Variants in DNAH7 observed in about 807,000 individuals in gnomAD.
The protein encoded by DNAH7 is dynein axonemal heavy chain 7.
DNAH7 carries 397 observed loss-of-function variants against 444.6 expected under a neutral mutation model. That is an observed-to-expected ratio of 0.89 (90% CI 0.82 to 0.97). The LOEUF (loss-of-function observed/expected upper bound fraction) is 0.97, where lower values mean the gene tolerates loss of function less well. Ranked by LOEUF, DNAH7 falls within the 50% of genes least tolerant of loss-of-function variation. The probability of loss-of-function intolerance (pLI) is 0.00; values close to 1 mark genes in which losing one functional copy is unlikely to be tolerated. For missense variants in DNAH7, 4,902 were observed against 4,800.8 expected, an observed-to-expected ratio of 1.02 and a Z score of -0.62; for synonymous variants, 1,636 against 1,624.4, an observed-to-expected ratio of 1.01 and a Z score of -0.17.
chr2:196,064,911 T>A (rs1046005687), intron 1 of DNAH7, among the ~76,000 whole-genome samples: 1 of 152,204 alleles, frequency 6.6e-6, no homozygotes, highest in African/African-American at 2.4e-5. Flanking sequence ...TATTTTAGTA[T>A]AAACACACAC....
At chr2:195,896,327 T>C (rs1209970668) in intron 29 of DNAH7, among the ~76,000 whole-genome samples, 2 of 152,172 alleles carry the variant, frequency 1.3e-5, no homozygotes, top group Admixed American at 6.5e-5. Context: ...CCTGATCTTG[T>C]CTTTCATTTT....
In DNAH7 at chr2:195,737,856, T is replaced by A. The variant is rs1692726738; in HGVS notation, c.*65A>T. ...CAAACAAAAAAAAAGGTTTAAGTAG[T>A]AAAATATGCTTTCTCTACTCAGCCA... On this transcript the variant is annotated 3_prime_UTR_variant, in exon 65 of 65. Transcript: ENST00000312428. 4 of 889,632 alleles carry A rather than the reference T, an allele frequency of 4.5e-6. No individual in the cohort carries two copies. Among genetic ancestry groups the A allele is most frequent in the Admixed American group, 2.4e-5 (1 of 42,036 alleles). 55.1% of individuals were successfully genotyped at this position (889,632 alleles called of 1,614,324 possible). A position where few individuals can be genotyped will look rare whatever the true frequency, so the allele number is the denominator to read the frequency against.
intron 51 of DNAH7, among the ~76,000 whole-genome samples, chr2:195,810,896 T>G (rs943118717): frequency 6.6e-6 from 1 of 152,226 alleles, no homozygotes; most frequent in Non-Finnish European, 1.5e-5. Context: ...TTGTCTCACT[T>G]GTAGCAGTAC....
intron 40 of DNAH7, among the ~76,000 whole-genome samples, chr2:195,871,634 C>A (rs138206553): frequency 6.6e-6 from 1 of 151,286 alleles, no homozygotes; most frequent in Non-Finnish European, 1.5e-5. Context: ...ATAAAAACAT[C>A]TCCTTAAAAA....
chr2:195,805,897 T>A (rs1174952185), intron 54 of DNAH7, among the ~76,000 whole-genome samples: 1 of 152,208 alleles, frequency 6.6e-6, no homozygotes, highest in African/African-American at 2.4e-5. Context: ...TTATCACTGA[T>A]GTGTATTTTT....
chr2:195,954,062 A>G (rs1574868869), intron 19 of DNAH7, among the ~76,000 whole-genome samples: 1 of 152,322 alleles, frequency 6.6e-6, no homozygotes, highest in African/African-American at 2.4e-5. Context: ...GTTCTAGGGT[A>G]CATGTGCACA....
chr2:196,014,515 C>CT (rs1694902150), intron 9 of DNAH7, among the ~76,000 whole-genome samples: 1 of 152,082 alleles, frequency 6.6e-6, no homozygotes, highest in African/African-American at 2.4e-5. Flanking sequence ...CATATCCCTC[C>CT]TGCCCTCACA....
intron 27 of DNAH7, chr2:195,905,010 T>A (rs1416564923): frequency 6.6e-6 from 1 of 152,120 alleles, no homozygotes; most frequent in Non-Finnish European, 1.5e-5. Flanking sequence ...GCTATGAGAA[T>A]TGAGAACAGC....
chr2:196,045,370 C>G (rs1697054359), intron 5 of DNAH7, among the ~76,000 whole-genome samples: 1 of 150,824 alleles, frequency 6.6e-6, no homozygotes, highest in Non-Finnish European at 1.5e-5. Context: ...AGAAAGGAGA[C>G]AGAGAGAGAC....
intron 39 of DNAH7, among the ~76,000 whole-genome samples, chr2:195,872,755 C>G (rs1383570766): frequency 6.6e-6 from 1 of 152,034 alleles, no homozygotes; most frequent in Non-Finnish European, 1.5e-5. Flanking sequence ...GAAGAGACAG[C>G]CAAGGAACCC....
At chr2:195,845,466 C>G (rs1300601142) in intron 46 of DNAH7, among the ~76,000 whole-genome samples, 1 of 152,118 alleles carries the variant, frequency 6.6e-6, no homozygotes, top group African/African-American at 2.4e-5. Context: ...TTCAAGGCTA[C>G]TCCTATCAAA....
intron 63 of DNAH7, among the ~76,000 whole-genome samples, chr2:195,754,134 TCC>T (rs1354626451): frequency 1.1e-4 from 16 of 152,182 alleles, no homozygotes; most frequent in Admixed American, 8.5e-4. Flanking sequence ...GCTTGATCAT[TCC>T]CCCTCACCCC....
intron 33 of DNAH7, among the ~76,000 whole-genome samples, chr2:195,887,085 C>T (rs1426160572): frequency 1.3e-5 from 2 of 152,128 alleles, no homozygotes; most frequent in Admixed American, 1.3e-4. Context: ...AAAACAGATA[C>T]TTATTACTAC....
At chr2:195,940,946 T>C (rs1689391759) in intron 19 of DNAH7, among the ~76,000 whole-genome samples, 1 of 152,136 alleles carries the variant, frequency 6.6e-6, no homozygotes, top group Non-Finnish European at 1.5e-5. Flanking sequence ...AGTTCAACCA[T>C]TGTGGAAGAC....
intron 17 of DNAH7, among the ~76,000 whole-genome samples, chr2:195,969,547 C>G (rs1480098912): frequency 1.3e-5 from 2 of 152,100 alleles, no homozygotes; most frequent in African/African-American, 4.8e-5. Flanking sequence ...TATTTTAAAA[C>G]AAGACCACTA....
chr2:196,039,867 C>CA (rs1436216187), intron 5 of DNAH7, among the ~76,000 whole-genome samples: 2 of 150,294 alleles, frequency 1.3e-5, no homozygotes, highest in African/African-American at 2.4e-5. Context: ...AAACCACTAA[C>CA]TAGACTAAGA....
rs781433382 is a variant in DNAH7, at chr2:195,881,986, C to T, written c.5770G>A (p.Gly1924Arg). The change falls in exon 36 of 65, where the codon GGA becomes AGA. Residue 1924 changes from glycine (G) to arginine (R), a missense_variant. Gly to Arg is a moderately radical substitution (Grantham distance 125). Coordinates refer to ENST00000312428, the MANE Select transcript of DNAH7 (RefSeq NM_018897.3). The stretch of plus-strand genomic sequence containing the variant: ...TTCTTTATCCATGGTTCCCATTTTC[C>T]TATTCCCTGTTTATAATTAACAACC... ...YDYQFVTEGI[G>R]KWEPWIKKLK... 2 of 1,612,988 alleles carry T rather than the reference C, an allele frequency of 1.2e-6. No homozygotes were observed. The highest frequency in any genetic ancestry group is 1.1e-5 in the South Asian group (1 of 91,020).
chr2:195,922,137 C>T lies in DNAH7; in HGVS notation c.3886G>A (p.Gly1296Ser), dbSNP rs1425033687. The T allele has an allele frequency of 6.2e-7, 1 of 1,613,100 alleles. No homozygotes were observed. Among genetic ancestry groups the T allele is most frequent in the South Asian group, 1.1e-5 (1 of 91,052 alleles). ...GTAATAACCAGCCTAGGGGAATTAC[C>T]CAGATATTCATATCCATATCGCAAA... Reference protein sequence around the residue: ...AGLRYGYEYLGNSPRLVITPL... With the variant: ...AGLRYGYEYLSNSPRLVITPL... Residue 1296 changes from glycine (G) to serine (S), a missense_variant, in exon 24 of 65, where the codon GGT (glycine) becomes AGT (serine). Coordinates refer to ENST00000312428, the MANE Select transcript of DNAH7 (RefSeq NM_018897.3).
At chr2:195,862,864 C>T (rs984625139) in intron 41 of DNAH7, among the ~76,000 whole-genome samples, 15 of 152,078 alleles carry the variant, frequency 9.9e-5, no homozygotes, top group Admixed American at 5.2e-4. Flanking sequence ...GGTGAAATCC[C>T]GTCTCTACTA....
Sources: allele counts gnomAD v4.1 joint callset (sites outside exome capture counted in the v4.1 genomes callset), GRCh38; gene constraint gnomAD v4.1.1; transcripts MANE v1.5; gene names NCBI Gene and HGNC (gene_info 2026-07-23, HGNC 2026-07-21).